RHOBTB2: variants seen among roughly 807,000 people sequenced by gnomAD.
RHOBTB2 encodes the protein rho-related BTB domain-containing protein 2.
RHOBTB2 carries 39 observed loss-of-function variants against 66.5 expected under a neutral mutation model. The ratio of observed to expected loss-of-function variants is 0.59; its 90% CI spans 0.45 to 0.77. The LOEUF is 0.77. Ranked by LOEUF, RHOBTB2 falls within the 30% of genes least tolerant of loss-of-function variation. The pLI is 0.00. For synonymous variants in RHOBTB2, 390 were observed against 395.0 expected (o/e 0.99, Z 0.15); for missense variants, 755 against 999.1 (o/e 0.76, Z 3.29).
chr8:22,951,208 T>C, the RHOBTB2 span, among the ~76,000 whole-genome samples: 1 of 151,786 alleles, frequency 6.6e-6, no homozygotes, highest in Non-Finnish European at 1.5e-5. Context: ...CTTTTTTCTT[T>C]CCTCCTTTTC....
chr8:23,013,776 G>A (rs148324333), intron 7 of RHOBTB2, among the ~76,000 whole-genome samples: 2,779 of 152,330 alleles, frequency 0.018, 37 homozygotes, highest in Middle Eastern at 0.031. Flanking sequence ...GAGTATAGGC[G>A]TGAGCCACCG....
the RHOBTB2 span, among the ~76,000 whole-genome samples, chr8:22,954,869 C>T: frequency 2.6e-5 from 4 of 152,164 alleles, no homozygotes; most frequent in Non-Finnish European, 4.4e-5. Context: ...CGGTGGCTCA[C>T]GCCTGTAATC....
intron 1 of RHOBTB2, among the ~76,000 whole-genome samples, chr8:22,990,426 G>A (rs1184008011): frequency 6.6e-6 from 1 of 151,998 alleles, no homozygotes; most frequent in East Asian, 1.9e-4. Flanking sequence ...CTGGACCTTG[G>A]ACTTGATACC....
chr8:23,012,191 A>G (rs1352182747), intron 7 of RHOBTB2, among the ~76,000 whole-genome samples: 2 of 152,252 alleles, frequency 1.3e-5, no homozygotes, highest in Non-Finnish European at 2.9e-5. Flanking sequence ...TTAAAAGACT[A>G]TCTCCAGAGA....
intron 8 of RHOBTB2, 115 bp downstream of exon 8, chr8:23,014,893 C>A: frequency 1.2e-6 from 1 of 834,962 alleles, no homozygotes; most frequent in Non-Finnish European, 2.0e-6. Context: ...TGTCATCGGA[C>A]TGGGCTCTTT....
the RHOBTB2 span, among the ~76,000 whole-genome samples, chr8:22,965,116 G>A: frequency 9.8e-4 from 149 of 152,050 alleles, no homozygotes; most frequent in East Asian, 7.2e-3. Flanking sequence ...CACATCTGGC[G>A]TAGTAATTAG....
chr8:22,954,500 AATCTTTTTTG>A, the RHOBTB2 span, among the ~76,000 whole-genome samples: 1,788 of 152,332 alleles, frequency 0.012, 33 homozygotes, highest in African/African-American at 0.039. Context: ...GACACTTAAT[AATCTTTTTTG>A]TTTATTACAA....
chr8:23,011,062 T>C (rs1293733680), intron 7 of RHOBTB2, among the ~76,000 whole-genome samples: 1 of 152,198 alleles, frequency 6.6e-6, no homozygotes, highest in Non-Finnish European at 1.5e-5. Context: ...TTACCCGTCA[T>C]GGCAAACTGC....
the RHOBTB2 span, among the ~76,000 whole-genome samples, chr8:22,979,219 C>T: frequency 1.3e-5 from 2 of 152,124 alleles, no homozygotes; most frequent in African/African-American, 4.8e-5. Context: ...TTCTTCCTCC[C>T]TTCCTTTCAA....
At chr8:23,007,872 G>T in intron 5 of RHOBTB2, 121 bp from the exon 6 acceptor site, 1 of 1,494,148 alleles carries the variant, frequency 6.7e-7, no homozygotes, top group Non-Finnish European at 9.2e-7. Flanking sequence ...TTCCCCAGCT[G>T]GGAGCGGGTT....
chr8:23,007,425 G>A lies in RHOBTB2; in HGVS notation c.1180G>A (p.Val394Met), dbSNP rs146017675. ...GCTGTCTTCCTGGAGCCGAGCTTTT[G>A]TGAGCATCCAGGAAGAGATGGCAGA... is the stretch of plus-strand genomic sequence containing the variant. ...RVLSSWSRAF[V>M]SIQEEMAEDP... The change falls in exon 5 of 10, where the codon GTG (valine) becomes ATG (methionine). Residue 394 changes from valine (V) to methionine (M), a missense_variant. Physicochemically the swap from Val to Met is conservative, Grantham distance 21. Transcript: ENST00000251822. The A allele has an allele frequency of 4.5e-4, 729 of 1,614,188 alleles. 6 individuals carry two copies. The highest frequency in any genetic ancestry group is 2.2e-3 in the South Asian group (201 of 91,086).
In RHOBTB2 at chr8:23,006,838, A is replaced by G; in HGVS notation, c.593A>G (p.Asp198Gly). 1 of 1,614,094 alleles carries G rather than the reference A, an allele frequency of 6.2e-7. No homozygotes were observed. Reference protein sequence around the residue: ...TSVVAQFGIKDVFDNAIRAAL... With the variant: ...TSVVAQFGIKGVFDNAIRAAL... The stretch of plus-strand genomic sequence containing the variant: ...GTGGTGGCCCAGTTCGGCATCAAGG[A>G]CGTCTTTGACAACGCCATCCGAGCT... The change falls in exon 5 of 10, where the codon GAC (aspartate) becomes GGC (glycine). Residue 198 changes from aspartate (D) to glycine (G), a missense_variant. Physicochemically the swap from Asp to Gly is moderately conservative, Grantham distance 94. Coordinates refer to ENST00000251822, the MANE Select transcript of RHOBTB2 (RefSeq NM_015178.3). This position sits in a 1 kb window ranked among gnomAD's most constrained non-coding sequence, Gnocchi z 6.1.
chr8:23,007,520 C>T lies in RHOBTB2; in HGVS notation c.1275C>T (p.Pro425=), dbSNP rs1320026162. 6.2e-7 allele frequency: 1 copy of T among 1,614,114 alleles called. No homozygotes were observed. The highest frequency in any genetic ancestry group is 2.2e-5 in the East Asian group (1 of 44,876). Residue 425 remains proline, a synonymous_variant, in exon 5 of 10, where the codon CCC becomes CCT. Transcript: ENST00000251822. ...VKMDSSIQPG[P]FRAVLKYLYT... ...TGGACAGTTCCATCCAGCCGGGGCC[C>T]TTCCGGGCTGTCCTCAAGTACCTGT...
chr8:22,989,881 T>C (rs2466187), intron 1 of RHOBTB2, among the ~76,000 whole-genome samples: 38,434 of 152,084 alleles, frequency 0.25, 5,724 homozygotes, highest in African/African-American at 0.41. Flanking sequence ...ATGAGAACCC[T>C]CATCCTGCCT....
chr8:22,998,981 G>A (rs1810666490), upstream of RHOBTB2: 1 of 152,308 alleles, frequency 6.6e-6, no homozygotes, highest in Non-Finnish European at 1.5e-5. Context: ...GATGGAGGTG[G>A]GGACCCGCTG....
chr8:22,982,765 C>T (rs1322102174), upstream of RHOBTB2, among the ~76,000 whole-genome samples: 1 of 152,182 alleles, frequency 6.6e-6, no homozygotes, highest in Non-Finnish European at 1.5e-5. Context: ...TAATAAAGTA[C>T]CTTAAACTGG....
chr8:23,008,500 T>C (rs1811041287), intron 6 of RHOBTB2, among the ~76,000 whole-genome samples: 1 of 152,220 alleles, frequency 6.6e-6, no homozygotes, highest in Non-Finnish European at 1.5e-5. Context: ...ACTTTGTACC[T>C]TACTGCCTCC....
At chr8:23,005,870 A>C in intron 3 of RHOBTB2, 90 bp from the exon 4 acceptor site, 2 of 1,200,330 alleles carry the variant, frequency 1.7e-6, no homozygotes, top group Non-Finnish European at 2.4e-6. Context: ...CAGGTGTGGG[A>C]CTGTACAGGG....
chr8:23,007,001 C>T lies in RHOBTB2; in HGVS notation c.756C>T (p.Ser252=), dbSNP rs201647621. 1.6e-5 allele frequency: 26 copies of T among 1,609,368 alleles called. No homozygotes were observed. The highest frequency in any genetic ancestry group is 3.3e-5 in the Admixed American group (2 of 59,958). Residue 252 remains serine (S), a synonymous_variant, in exon 5 of 10, where the codon AGC becomes AGT. Transcript: ENST00000251822. ...IIVVPDPPSS[S]EECPAHLLED... ...TGGTGCCCGACCCTCCCTCCAGCAG[C>T]GAGGAGTGCCCCGCCCACCTCCTGG...
Sources: allele counts gnomAD v4.1 joint callset (sites outside exome capture counted in the v4.1 genomes callset), GRCh38; gene constraint gnomAD v4.1.1; non-coding constraint Gnocchi (gnomAD v3.1); transcripts MANE v1.5; gene names NCBI Gene and HGNC (gene_info 2026-07-23, HGNC 2026-07-21).